The following LRRC37A2 variants were observed in gnomAD, a reference collection of about 807,000 sequenced individuals.
LRRC37A2 encodes leucine-rich repeat-containing protein 37A2.
A neutral mutation model predicts 68.8 loss-of-function variants in LRRC37A2; 9 were observed. The observed-to-expected ratio is 0.13, with a 90% CI of 0.08 to 0.23. LRRC37A2 has a LOEUF of 0.23. LRRC37A2 is among the 10% of genes least tolerant of loss of function. LRRC37A2 has a pLI of 1.00. For missense variants in LRRC37A2, 168 were observed against 950.4 expected, an observed-to-expected ratio of 0.18 and a Z score of 10.82; for synonymous variants, 63 against 367.6, an observed-to-expected ratio of 0.17 and a Z score of 9.48.
chr17:46,983,222 C>G, the LRRC37A2 span, among the ~76,000 whole-genome samples: 8 of 151,520 alleles, frequency 5.3e-5, no homozygotes, highest in Non-Finnish European at 1.2e-4. Flanking sequence ...ACGTCAGGAG[C>G]AGGACCCCAT....
the LRRC37A2 span, among the ~76,000 whole-genome samples, chr17:46,811,483 C>T: frequency 6.6e-6 from 1 of 152,198 alleles, no homozygotes; most frequent in Non-Finnish European, 1.5e-5. Context: ...TCACGAGGGA[C>T]AGGCTGCCTA....
At chr17:46,609,827 CTTTTTT>C in the LRRC37A2 span, among the ~76,000 whole-genome samples, 1 of 123,328 alleles carries the variant, frequency 8.1e-6, no homozygotes, top group Non-Finnish European at 1.8e-5. Flanking sequence ...CTCACTGTTT[CTTTTTT>C]TTTTTTTTTT....
At chr17:46,851,024 A>G in the LRRC37A2 span, among the ~76,000 whole-genome samples, 1 of 152,190 alleles carries the variant, frequency 6.6e-6, no homozygotes, top group Admixed American at 6.5e-5. The surrounding 1 kb of genome is among the most constrained non-coding windows in gnomAD (Gnocchi z 4.3). Flanking sequence ...TTGCCTGGCA[A>G]CAGGGTCCCC....
the LRRC37A2 span, among the ~76,000 whole-genome samples, chr17:46,678,431 A>T: frequency 2.9e-4 from 42 of 144,378 alleles, no homozygotes; most frequent in South Asian, 2.8e-3. Context: ...TAGTGTACTG[A>T]AAGATATAAG....
the LRRC37A2 span, among the ~76,000 whole-genome samples, chr17:46,899,148 G>GGGAGGC: frequency 4.6e-5 from 7 of 152,258 alleles, no homozygotes; most frequent in East Asian, 1.4e-3. Context: ...GCAGCACTAT[G>GGGAGGC]GGAGGCTGAG....
At chr17:46,957,392 C>A in the LRRC37A2 span, among the ~76,000 whole-genome samples, 1 of 152,268 alleles carries the variant, frequency 6.6e-6, no homozygotes, top group African/African-American at 2.4e-5. Context: ...GCAGGTGGAT[C>A]ACTTGAGGTC....
the LRRC37A2 span, among the ~76,000 whole-genome samples, chr17:46,497,731 G>A: frequency 2.6e-5 from 3 of 116,520 alleles, no homozygotes; most frequent in South Asian, 6.4e-4. Flanking sequence ...TACATTGAAA[G>A]ATATATATCT....
chr17:47,049,016 A>G, the LRRC37A2 span: 2 of 539,772 alleles, frequency 3.7e-6, no homozygotes, highest in Admixed American at 3.2e-5. Flanking sequence ...CCGTGTTTTC[A>G]AAAGATATAT....
the LRRC37A2 span, among the ~76,000 whole-genome samples, chr17:47,045,032 T>C: frequency 5.4e-5 from 8 of 147,472 alleles, no homozygotes; most frequent in Non-Finnish European, 9.0e-5. Context: ...AAGAAACACC[T>C]TTGTGGCAGA....
the LRRC37A2 span, among the ~76,000 whole-genome samples, chr17:46,903,787 G>C: frequency 6.7e-6 from 1 of 149,646 alleles, no homozygotes; most frequent in African/African-American, 2.5e-5. Context: ...TGGATGGGTG[G>C]GTGGATGGAT....
At chr17:47,027,069 C>A in the LRRC37A2 span, among the ~76,000 whole-genome samples, 1 of 152,100 alleles carries the variant, frequency 6.6e-6, no homozygotes, top group Non-Finnish European at 1.5e-5. Flanking sequence ...TGCCACCAGG[C>A]CTGGCTAATT....
the LRRC37A2 span, among the ~76,000 whole-genome samples, chr17:46,766,711 G>A: frequency 6.6e-6 from 1 of 152,138 alleles, no homozygotes; most frequent in African/African-American, 2.4e-5. Context: ...CCATATCTCA[G>A]AGAGGCCCGT....
At chr17:46,784,033 T>C in the LRRC37A2 span, among the ~76,000 whole-genome samples, 56 of 152,246 alleles carry the variant, frequency 3.7e-4, 1 homozygote, top group South Asian at 0.012. Context: ...CATTGCAACC[T>C]CCCAGGGCTC....
At chr17:46,891,158 A>T in the LRRC37A2 span, among the ~76,000 whole-genome samples, 14 of 152,242 alleles carry the variant, frequency 9.2e-5, no homozygotes, top group African/African-American at 3.4e-4. Context: ...CAGACCCTGA[A>T]ATTCTGTGTC....
the LRRC37A2 span, chr17:46,978,532 G>GGCACGTAGCTGGGCGCCCCAT: frequency 7.3e-7 from 1 of 1,364,650 alleles, no homozygotes; most frequent in Non-Finnish European, 9.7e-7. Flanking sequence ...GGGCGCCCCA[G>GGCACGTAGCTGGGCGCCCCAT]GCACGTAGCT....
chr17:46,864,160 A>C, the LRRC37A2 span, among the ~76,000 whole-genome samples: 1 of 152,166 alleles, frequency 6.6e-6, no homozygotes, highest in Non-Finnish European at 1.5e-5. Context: ...TGCATTCAAG[A>C]ACCTGTCAAG....
the LRRC37A2 span, among the ~76,000 whole-genome samples, chr17:46,740,304 G>A: frequency 5.3e-5 from 8 of 152,164 alleles, no homozygotes; most frequent in Admixed American, 3.3e-4. Flanking sequence ...TGAGGGCAGG[G>A]TATGGTGAGA....
At chr17:46,919,574 A>G in the LRRC37A2 span, among the ~76,000 whole-genome samples, 2 of 152,194 alleles carry the variant, frequency 1.3e-5, no homozygotes, top group Admixed American at 6.5e-5. Flanking sequence ...TTTTTACATT[A>G]CTATCCTCTG....
the LRRC37A2 span, among the ~76,000 whole-genome samples, chr17:46,490,213 G>A: frequency 2.6e-5 from 4 of 151,218 alleles, no homozygotes; most frequent in South Asian, 2.1e-4. Flanking sequence ...TGCTCAGCTC[G>A]GCCCTGGTAG....
Sources: gnomAD v4.1 joint callset for allele counts (sites outside exome capture counted in the v4.1 genomes callset) on GRCh38, gnomAD v4.1.1 for gene constraint, Gnocchi (gnomAD v3.1) non-coding constraint, MANE v1.5 for transcripts, NCBI Gene and HGNC (gene_info 2026-07-23, HGNC 2026-07-21) for gene names.